ZNF385D: variants seen among roughly 807,000 people sequenced by gnomAD.
The protein encoded by ZNF385D is zinc finger protein 385D.
Under a neutral mutation model 35.8 loss-of-function variants are expected in ZNF385D, and 15 were observed. That is an observed-to-expected ratio of 0.42 (90% confidence interval 0.28 to 0.64). The LOEUF (loss-of-function observed/expected upper bound fraction) is 0.64, where lower values mean the gene tolerates loss of function less well. Among genes scored for constraint, ZNF385D ranks in the 30% least tolerant of loss-of-function variants. The pLI is 0.23. For synonymous variants in ZNF385D, 212 were observed against 186.8 expected (o/e 1.13, Z -1.10); for missense variants, 474 against 494.6 (o/e 0.96, Z 0.39).
At chr3:21,852,518 A>G (rs952877097) in intron 3 of ZNF385D, among the ~76,000 whole-genome samples, 2 of 152,060 alleles carry the variant, frequency 1.3e-5, no homozygotes, top group East Asian at 3.9e-4. Context: ...AACACGATGA[A>G]TATCATGCTA....
rs187776578 is a variant in ZNF385D at position 22,043,683 on chromosome 3, G to A, written c.325+125134C>T. Among the ~76,000 whole-genome samples, 1,111 of 143,932 alleles carry A rather than the reference G, an allele frequency of 7.7e-3. 20 individuals carry two copies. Among genetic ancestry groups the A allele is most frequent in the African/African-American group, 0.027 (1,046 of 39,436 alleles). 94.4% of individuals were successfully genotyped at this position (143,932 alleles called of 152,430 possible). On this transcript the variant is annotated intron_variant, in intron 3 of 5. Transcript: ENST00000494108. ...GCCCCACCAGTGACCCTTGCCTAAGGGTCTTCAAGACCTTGTTGCAGCCTC... is the reference window on the plus strand; with the variant it reads ...GCCCCACCAGTGACCCTTGCCTAAGAGTCTTCAAGACCTTGTTGCAGCCTC...
intron 2 of ZNF385D, among the ~76,000 whole-genome samples, chr3:21,611,598 T>C (rs2064681754): frequency 6.6e-6 from 1 of 152,190 alleles, no homozygotes; most frequent in Admixed American, 6.5e-5. Context: ...TGTATATGAA[T>C]GTACTTTGAA....
chr3:21,481,130 A>G (rs77807423), intron 4 of ZNF385D, among the ~76,000 whole-genome samples: 2,958 of 152,282 alleles, frequency 0.019, 44 homozygotes, highest in South Asian at 0.047. Context: ...TACAAGCAAC[A>G]TGATTAAGAT....
chr3:22,322,477 T>C (rs1694486993), intron 2 of ZNF385D, among the ~76,000 whole-genome samples: 1 of 152,238 alleles, frequency 6.6e-6, no homozygotes, highest in African/African-American at 2.4e-5. Flanking sequence ...TTAGGTAACT[T>C]GGATTGGGCA....
intron 3 of ZNF385D, among the ~76,000 whole-genome samples, chr3:22,119,387 TTAC>T (rs1317596395): frequency 6.6e-6 from 1 of 152,196 alleles, no homozygotes; most frequent in Non-Finnish European, 1.5e-5. Flanking sequence ...CTAGACTAAT[TTAC>T]TACTATTTTA....
intron 5 of ZNF385D, among the ~76,000 whole-genome samples, chr3:21,427,410 A>C (rs960919377): frequency 3.9e-5 from 6 of 152,050 alleles, no homozygotes; most frequent in African/African-American, 1.4e-4. Context: ...TTCCAAATTC[A>C]CTTTTGGTTA....
chr3:21,548,483 C>T (rs2062457165), intron 3 of ZNF385D, among the ~76,000 whole-genome samples: 2 of 152,124 alleles, frequency 1.3e-5, no homozygotes, highest in Admixed American at 6.6e-5. Context: ...TATCTTCCTC[C>T]TCATATTCTG....
intron 2 of ZNF385D, among the ~76,000 whole-genome samples, chr3:21,612,443 A>C (rs549375603): frequency 6.6e-6 from 1 of 152,130 alleles, no homozygotes. Context: ...ACTAAAAATC[A>C]GGGAGGTCAT....
chr3:22,213,908 A>G (rs2125266342), intron 2 of ZNF385D, among the ~76,000 whole-genome samples: 1 of 152,154 alleles, frequency 6.6e-6, no homozygotes, highest in East Asian at 1.9e-4. Flanking sequence ...CCAGAAGAAA[A>G]TTTATAAAGC....
chr3:21,939,303 A>G (rs866117205), intron 3 of ZNF385D, among the ~76,000 whole-genome samples: 2 of 152,130 alleles, frequency 1.3e-5, no homozygotes, highest in Non-Finnish European at 2.9e-5. Flanking sequence ...GGATAACAAC[A>G]CTGTTAAGTA....
At chr3:22,039,175 T>G (rs183928661) in intron 3 of ZNF385D, among the ~76,000 whole-genome samples, 255 of 150,972 alleles carry the variant, frequency 1.7e-3, no homozygotes, top group African/African-American at 6.0e-3. Context: ...GGATGTCCAT[T>G]TGACTGATGT....
intron 3 of ZNF385D, among the ~76,000 whole-genome samples, chr3:21,892,370 A>G (rs1698913013): frequency 1.3e-5 from 2 of 152,096 alleles, no homozygotes; most frequent in African/African-American, 4.8e-5. Flanking sequence ...TGCCCAAATA[A>G]ATTCCTCCAG....
At chr3:21,686,147 T>A (rs566748513) in intron 1 of ZNF385D, among the ~76,000 whole-genome samples, 1 of 152,286 alleles carries the variant, frequency 6.6e-6, no homozygotes, top group Admixed American at 6.5e-5. Context: ...AAAAGTAACC[T>A]TTTTTTAATG....
At chr3:22,059,713 G>T (rs538348792) in intron 3 of ZNF385D, among the ~76,000 whole-genome samples, 11 of 152,238 alleles carry the variant, frequency 7.2e-5, no homozygotes, top group East Asian at 1.9e-4. Context: ...GAGATTTTTC[G>T]ATTTTGTTTG....
chr3:22,342,868 C>G (rs1038532898), intron 2 of ZNF385D, among the ~76,000 whole-genome samples: 1 of 152,178 alleles, frequency 6.6e-6, no homozygotes, highest in South Asian at 2.1e-4. Flanking sequence ...CCTGACTATT[C>G]CAAACCACAG....
intron 2 of ZNF385D, among the ~76,000 whole-genome samples, chr3:21,639,170 T>A (rs1436217091): frequency 2.6e-5 from 4 of 152,084 alleles, no homozygotes; most frequent in African/African-American, 9.6e-5. Flanking sequence ...TATACACTGA[T>A]CACTTCCACA....
chr3:22,033,011 T>C (rs185549159), intron 3 of ZNF385D, among the ~76,000 whole-genome samples: 194 of 152,272 alleles, frequency 1.3e-3, no homozygotes, highest in African/African-American at 4.4e-3. Flanking sequence ...CCCTGTGCTA[T>C]ACTGCAGACT....
chr3:21,695,365 A>G (rs2067433705), intron 1 of ZNF385D, among the ~76,000 whole-genome samples: 2 of 152,190 alleles, frequency 1.3e-5, no homozygotes, highest in African/African-American at 4.8e-5. Context: ...TCCATAGTGG[A>G]TGGTAATACT....
rs144967417 is a variant in ZNF385D, at chr3:21,602,010, A to G, written c.166-37326T>C. Among the ~76,000 whole-genome samples, 606 of 152,304 alleles carry G rather than the reference A, an allele frequency of 4.0e-3. 7 individuals carry two copies. The highest frequency in any genetic ancestry group is 0.013 in the African/African-American group (545 of 41,546). Reference sequence around the variant, plus strand: ...ACCCGAGACTGGGTAATTTATAAAGAAAAAGGTGTAATTGACTTACAGTTC... The same window carrying G: ...ACCCGAGACTGGGTAATTTATAAAGGAAAAGGTGTAATTGACTTACAGTTC... On this transcript the variant is annotated intron_variant, in intron 2 of 7. Coordinates refer to ENST00000281523, the MANE Select transcript of ZNF385D (RefSeq NM_024697.3).
Sources: allele counts gnomAD v4.1 joint callset (sites outside exome capture counted in the v4.1 genomes callset), GRCh38; gene constraint gnomAD v4.1.1; transcripts MANE v1.5; gene names NCBI Gene and HGNC (gene_info 2026-07-23, HGNC 2026-07-21).